Variants in CDH23 observed in about 807,000 individuals in gnomAD.
CDH23 encodes the protein cadherin-23.
In CDH23, 189 loss-of-function variants were observed where a neutral mutation model predicts 317.1. The ratio of observed to expected loss-of-function variants is 0.60; its 90% CI spans 0.53 to 0.67. The LOEUF (loss-of-function observed/expected upper bound fraction) is 0.67. CDH23 is among the 30% of genes least tolerant of loss of function. The probability of loss-of-function intolerance (pLI) is 0.00; values close to 1 mark genes in which losing one functional copy is unlikely to be tolerated. For missense variants in CDH23, 4,401 were observed against 4,592.4 expected, an observed-to-expected ratio of 0.96 and a Z score of 1.20; for synonymous variants, 1,839 against 1,876.8, an observed-to-expected ratio of 0.98 and a Z score of 0.52.
In CDH23 at chr10:71,793,210, A is replaced by G; in HGVS notation, c.6282A>G (p.Thr2094=). ...TCTCAGTCCTTCAAGTCACAGCCAC[A>G]GATGAGGACAGTGGCCTCAATGGGG... ...PGFSVLQVTA[T]DEDSGLNGEL... is the part of the protein sequence containing the mutation. The change falls in exon 48 of 70, where the codon ACA becomes ACG. Residue 2094 remains threonine, a synonymous_variant. Transcript: ENST00000224721. The G allele has an allele frequency of 1.2e-6, 2 of 1,613,310 alleles. No homozygotes were observed. Among genetic ancestry groups the G allele is most frequent in the Non-Finnish European group, 1.7e-6 (2 of 1,179,422 alleles).
Position 71,725,423 on chromosome 10 carries a change from G to C in CDH23, c.3482G>C (p.Arg1161Pro). 4 of 1,614,020 alleles carry C rather than the reference G, an allele frequency of 2.5e-6. No homozygotes were observed. Among genetic ancestry groups the C allele is most frequent in the Non-Finnish European group, 3.4e-6 (4 of 1,179,890 alleles). The change falls in exon 30 of 70, where the codon CGA (arginine) becomes CCA (proline). Residue 1161 changes from arginine (R) to proline (P), a missense_variant. Physicochemically the swap from Arg to Pro is moderately radical, Grantham distance 103. Around this residue, in one of 3 missense-constraint regions of CDH23, gnomAD observed 3,068 missense variants for 3,203.3 expected, o/e 0.96. Transcript: ENST00000224721. Reference sequence around the variant, plus strand: ...CATGTCAGCAATGGGCTCCTGATGCGAGGGCCCCGGCCCCTGGACCGGGAG... The same window carrying C: ...CATGTCAGCAATGGGCTCCTGATGCCAGGGCCCCGGCCCCTGGACCGGGAG... ...RIHVSNGLLM[R>P]GPRPLDRERN...
At chr10:71,813,411 T>TTGCTGTCC in intron 69 of CDH23, 63 bp downstream of exon 69, 2 of 1,366,200 alleles carry the variant, frequency 1.5e-6, no homozygotes, top group Non-Finnish European at 2.0e-6. Context: ...TCTCTGTCTC[T>TTGCTGTCC]TGCTGTCCTG....
At chr10:71,620,744 G>A (rs1040130673) in intron 11 of CDH23, among the ~76,000 whole-genome samples, 3 of 152,202 alleles carry the variant, frequency 2.0e-5, no homozygotes, top group Non-Finnish European at 2.9e-5. Context: ...CAGAGCCAAT[G>A]AGGAGAGGCA....
chr10:71,636,171 G>C (rs148655816), intron 11 of CDH23, among the ~76,000 whole-genome samples: 38 of 152,252 alleles, frequency 2.5e-4, no homozygotes, highest in African/African-American at 7.7e-4. Flanking sequence ...GGGGAGGAGA[G>C]AGAATCAGGA....
intron 6 of CDH23, among the ~76,000 whole-genome samples, chr10:71,528,642 G>A (rs917789226): frequency 4.6e-5 from 7 of 152,262 alleles, no homozygotes; most frequent in Admixed American, 2.0e-4. Context: ...AGGTGCCCGG[G>A]CCTCCGCAGC....
chr10:71,486,708 C>G (rs16928947), intron 3 of CDH23, among the ~76,000 whole-genome samples: 14,586 of 152,188 alleles, frequency 0.096, 884 homozygotes, highest in East Asian at 0.19. Context: ...CCTGGTGTGT[C>G]AAACTCCAGC....
chr10:71,569,978 A>C, intron 7 of CDH23, among the ~76,000 whole-genome samples: 1 of 152,120 alleles, frequency 6.6e-6, no homozygotes, highest in Non-Finnish European at 1.5e-5. Context: ...TTGGTGCACA[A>C]CAGCCTCGAA....
chr10:71,485,437 TC>T (rs1478706333), intron 3 of CDH23, among the ~76,000 whole-genome samples: 2 of 152,222 alleles, frequency 1.3e-5, no homozygotes, highest in Non-Finnish European at 2.9e-5. Context: ...TCTTTGGCCA[TC>T]CGTCCTGCAT....
At chr10:71,689,789 G>T (rs138611914) in intron 19 of CDH23, among the ~76,000 whole-genome samples, 11 of 152,310 alleles carry the variant, frequency 7.2e-5, no homozygotes, top group African/African-American at 2.2e-4. Flanking sequence ...GGCCCTGAGG[G>T]GTCCAGTCTG....
intron 38 of CDH23, among the ~76,000 whole-genome samples, chr10:71,754,803 C>A (rs1001908640): frequency 6.6e-6 from 1 of 152,154 alleles, no homozygotes; most frequent in Non-Finnish European, 1.5e-5. Context: ...AAAGAGCATG[C>A]GTTGAAAGCT....
In CDH23 at chr10:71,793,297, G is replaced by C. The variant is rs768035972; in HGVS notation, c.6369G>C (p.Gly2123=). ...GCTTCCTCATTCATCTGGTCACCGGGGTCATCCGTGTTGGTAATGCCACCA... is the reference window on the plus strand; with the variant it reads ...GCTTCCTCATTCATCTGGTCACCGGCGTCATCCGTGTTGGTAATGCCACCA... ...QDRFLIHLVT[G]VIRVGNATID... Residue 2123 remains glycine, a synonymous_variant, in exon 48 of 70, where the codon GGG becomes GGC. Transcript: ENST00000224721. 1.9e-6 allele frequency: 3 copies of C among 1,613,940 alleles called. No homozygotes were observed. Among genetic ancestry groups the C allele is most frequent in the Admixed American group, 1.7e-5 (1 of 60,010 alleles).
At chr10:71,504,043 T>A (rs551414756) in intron 3 of CDH23, among the ~76,000 whole-genome samples, 2,616 of 152,048 alleles carry the variant, frequency 0.017, 79 homozygotes, top group East Asian at 0.12. Context: ...TTTTTTTTTT[T>A]AATTTAATTA....
chr10:71,451,394 A>G (rs1232470599), intron 3 of CDH23, among the ~76,000 whole-genome samples: 1 of 152,214 alleles, frequency 6.6e-6, no homozygotes, highest in Non-Finnish European at 1.5e-5. Flanking sequence ...CTCAATGGCA[A>G]CCAGGCTGTT....
At chr10:71,729,885 A>C (rs1839304457) in intron 30 of CDH23, among the ~76,000 whole-genome samples, 1 of 151,230 alleles carries the variant, frequency 6.6e-6, no homozygotes, top group Admixed American at 6.6e-5. Context: ...CCCAGGCTGG[A>C]GTGCAGTGGC....
chr10:71,767,169 C>T (rs1480019439), intron 38 of CDH23, among the ~76,000 whole-genome samples: 1 of 152,230 alleles, frequency 6.6e-6, no homozygotes, highest in African/African-American at 2.4e-5. Context: ...TTGGCATCTT[C>T]TCAGAATGCC....
rs141377855 is a variant in CDH23 at position 71,516,339 on chromosome 10, G to T, written c.429+5127G>T. ...GGGTGAGATCCTGGGAGCCTGAGAGGTGGAGGGTCCTTGCCTGAGCCTCAG... is the reference window on the plus strand; with the variant it reads ...GGGTGAGATCCTGGGAGCCTGAGAGTTGGAGGGTCCTTGCCTGAGCCTCAG... On this transcript the variant is annotated intron_variant, in intron 6 of 69. Transcript: ENST00000224721. Among the ~76,000 whole-genome samples the T allele has an allele frequency of 6.3e-3, 953 of 152,292 alleles. 11 individuals are homozygous for T. The highest frequency in any genetic ancestry group is 0.022 in the African/African-American group (901 of 41,546).
intron 9 of CDH23, among the ~76,000 whole-genome samples, chr10:71,611,507 G>A (rs938930951): frequency 6.6e-6 from 1 of 152,224 alleles, no homozygotes; most frequent in Non-Finnish European, 1.5e-5. Context: ...GTAAAGCACA[G>A]GCAGCCAACA....
chr10:71,814,733 CACAG>C (rs1433074608), intron 69 of CDH23, among the ~76,000 whole-genome samples: 2 of 151,602 alleles, frequency 1.3e-5, no homozygotes, highest in African/African-American at 4.9e-5. Context: ...CACACACACA[CACAG>C]ATTTTCACAA....
chr10:71,578,619 G>A (rs1858400968), intron 9 of CDH23, among the ~76,000 whole-genome samples: 1 of 152,128 alleles, frequency 6.6e-6, no homozygotes, highest in African/African-American at 2.4e-5. Flanking sequence ...CTGACAAATG[G>A]CAGCTCTGTT....
Sources: allele counts gnomAD v4.1 joint callset (sites outside exome capture counted in the v4.1 genomes callset), GRCh38; gene constraint gnomAD v4.1.1; regional missense constraint gnomAD v4.1.1; transcripts MANE v1.5; gene names NCBI Gene and HGNC (gene_info 2026-07-23, HGNC 2026-07-21).